The following PGM3 variants were observed in gnomAD, a reference collection of about 807,000 sequenced individuals.
The protein encoded by PGM3 is phosphoglucomutase 3, also known as phosphoacetylglucosamine mutase.
PGM3 carries 40 observed loss-of-function variants against 66.2 expected under a neutral mutation model. The ratio of observed to expected loss-of-function variants is 0.60; its 90% CI spans 0.47 to 0.79. PGM3 has a LOEUF of 0.79. Ranked by LOEUF, PGM3 falls within the 30% of genes least tolerant of loss-of-function variation. The probability of loss-of-function intolerance (pLI) is 0.00; values close to 1 mark genes in which losing one functional copy is unlikely to be tolerated. For synonymous variants in PGM3, 191 were observed against 224.2 expected, an observed-to-expected ratio of 0.85 and a Z score of 1.32; for missense variants, 537 against 643.4, an observed-to-expected ratio of 0.83 and a Z score of 1.79.
chr6:83,186,181 G>A (rs1306679846), intron 4 of PGM3, among the ~76,000 whole-genome samples: 3 of 152,100 alleles, frequency 2.0e-5, no homozygotes, highest in Non-Finnish European at 2.9e-5. Flanking sequence ...GAGGTCCCTG[G>A]TTAATAATCC....
intron 4 of PGM3, among the ~76,000 whole-genome samples, chr6:83,186,075 G>A (rs1005534722): frequency 6.6e-6 from 1 of 152,042 alleles, no homozygotes; most frequent in Admixed American, 6.6e-5. Flanking sequence ...GGAGAGGTAC[G>A]CATGCACTCC....
chr6:83,169,830 A>C (rs1438692124), intron 12 of PGM3: 2 of 457,370 alleles, frequency 4.4e-6, no homozygotes, highest in Admixed American at 2.3e-5. Context: ...TCCAGACCAC[A>C]AGTCTTGACC....
intron 8 of PGM3, among the ~76,000 whole-genome samples, chr6:83,178,364 TAAAGA>T (rs1180973239): frequency 6.6e-6 from 1 of 152,194 alleles, no homozygotes; most frequent in Non-Finnish European, 1.5e-5. Context: ...TCTAGGCCCT[TAAAGA>T]AAAGTATTCC....
rs1025016313 is a variant in PGM3 at position 83,167,293 on chromosome 6, CAGA to C, written c.*1938_*1940del. 2.6e-5 allele frequency: 26 copies of C among 985,174 alleles called. No homozygotes were observed. Among genetic ancestry groups the C allele is most frequent in the South Asian group, 4.7e-5 (1 of 21,274 alleles). 61.0% of individuals were successfully genotyped at this position (985,174 alleles called of 1,614,324 possible). On this transcript the variant is annotated 3_prime_UTR_variant, in exon 13 of 13. Coordinates refer to ENST00000513973, the MANE Select transcript of PGM3 (RefSeq NM_015599.3). Reference sequence around the variant, plus strand: ...CCTCCCTATGTTGTTTAGCACAACCCAGAAGGAGACAGCAGTGTCTCCTGAGGG... The same window carrying C: ...CCTCCCTATGTTGTTTAGCACAACCCAGGAGACAGCAGTGTCTCCTGAGGG...
downstream of PGM3, among the ~76,000 whole-genome samples, chr6:83,163,812 T>G (rs1252939013): frequency 6.6e-6 from 1 of 152,136 alleles, no homozygotes; most frequent in East Asian, 1.9e-4. Context: ...AAGCATCTTC[T>G]TAGAGAAATT....
At chr6:83,192,116 A>T (rs1789151810) in intron 1 of PGM3, among the ~76,000 whole-genome samples, 1 of 152,010 alleles carries the variant, frequency 6.6e-6, no homozygotes, top group Admixed American at 6.5e-5. Flanking sequence ...AAATACAAAA[A>T]GTAGCCTGGC....
chr6:83,164,593 G>A, downstream of PGM3: 1 of 1,441,128 alleles, frequency 6.9e-7, no homozygotes, highest in Non-Finnish European at 9.5e-7. Context: ...CCTTAAACAA[G>A]GTCTTCATGG....
Position 83,179,950 on chromosome 6 carries a change from T to C in PGM3, c.805A>G (p.Asn269Asp). The change falls in exon 7 of 13, where the codon AAT becomes GAT. Residue 269 changes from asparagine to aspartate, a missense_variant. By Grantham distance (23) the Asn-to-Asp change is conservative. Transcript: ENST00000513973. ...KPPQGMEIKS[N>D]ERCCSFDGDA... ...CCATCAAAAGAACAGCATCTTTCAT[T>C]GGACTTAATTTCCATTCCTAGCACA... is the stretch of plus-strand genomic sequence containing the variant. 6.2e-7 allele frequency: 1 copy of C among 1,610,524 alleles called. No individual in the cohort carries two copies. The highest frequency in any genetic ancestry group is 1.7e-5 in the Admixed American group (1 of 59,646).
At chr6:83,159,921 C>T, downstream of PGM3, 2 of 1,614,100 alleles carry the variant, frequency 1.2e-6, no homozygotes, top group Non-Finnish European at 1.7e-6. Context: ...TTGGATTTGG[C>T]TCTCGCATTG....
rs923386994 is a variant in PGM3, at chr6:83,193,246, A to C, written c.-70T>G. On this transcript the variant is annotated 5_prime_UTR_variant, in exon 1 of 13. Transcript: ENST00000513973. The stretch of plus-strand genomic sequence containing the variant: ...GCCCAAGCAACAACGTCTGCACCCA[A>C]ACCCAGTCCTCAGAACCGCAGACGT... The C allele has an allele frequency of 1.3e-5, 2 of 152,238 alleles. No homozygotes were observed. Among genetic ancestry groups the C allele is most frequent in the Admixed American group, 1.3e-4 (2 of 15,280 alleles). The allele number at this position is 152,238 out of a possible 1,614,324, so 9.4% of individuals were successfully genotyped here. A position where few individuals can be genotyped will look rare whatever the true frequency, so the allele number is the denominator to read the frequency against.
chr6:83,160,882 C>G (rs996734282), downstream of PGM3, among the ~76,000 whole-genome samples: 1 of 152,038 alleles, frequency 6.6e-6, no homozygotes, highest in African/African-American at 2.4e-5. Flanking sequence ...TGCTATTTTA[C>G]AAGCTTACTT....
chr6:83,158,466 T>C, downstream of PGM3: 1 of 904,374 alleles, frequency 1.1e-6, no homozygotes, highest in African/African-American at 1.7e-5. Context: ...GAAAATGTAT[T>C]CTAAAATTTG....
At chr6:83,185,503 C>A (rs909540994) in intron 4 of PGM3, among the ~76,000 whole-genome samples, 3 of 152,190 alleles carry the variant, frequency 2.0e-5, no homozygotes, top group Admixed American at 6.5e-5. Flanking sequence ...GTGGCTCATG[C>A]CTGTAATCCC....
chr6:83,153,431 C>T, the PGM3 span: 1 of 864,148 alleles, frequency 1.2e-6, no homozygotes, highest in Non-Finnish European at 1.7e-6. Flanking sequence ...TCTAGGTTTT[C>T]TAACAAACTG....
At chr6:83,150,901 A>G in the PGM3 span, among the ~76,000 whole-genome samples, 2 of 152,196 alleles carry the variant, frequency 1.3e-5, no homozygotes, top group African/African-American at 4.8e-5. Context: ...ACATACCACT[A>G]TATCATTACA....
intron 10 of PGM3, among the ~76,000 whole-genome samples, chr6:83,173,572 T>C (rs1787481431): frequency 6.6e-6 from 1 of 152,174 alleles, no homozygotes; most frequent in South Asian, 2.1e-4. Context: ...TCTCCCTGTG[T>C]TACTGTAAGG....
At chr6:83,192,180 C>A (rs1172200847) in intron 1 of PGM3, among the ~76,000 whole-genome samples, 1 of 151,650 alleles carries the variant, frequency 6.6e-6, no homozygotes, top group Non-Finnish European at 1.5e-5. Context: ...GCAGGAGAAT[C>A]GCTTGAACCC....
chr6:83,174,506 A>C lies in PGM3; in HGVS notation c.1129-19T>G. The C allele has an allele frequency of 1.5e-6, 2 of 1,358,146 alleles. No individual in the cohort carries two copies. The highest frequency in any genetic ancestry group is 2.1e-6 in the Non-Finnish European group (2 of 972,800). 84.1% of individuals were successfully genotyped at this position (1,358,146 alleles called of 1,614,324 possible). A position where few individuals can be genotyped will look rare whatever the true frequency, so the allele number is the denominator to read the frequency against. On this transcript the variant is annotated intron_variant, in intron 9 of 12. Coordinates refer to ENST00000513973, the MANE Select transcript of PGM3 (RefSeq NM_015599.3). ...ACAGTGCCTGCAGCAAAAGAATATA[A>C]AATCAGTCTCAAAACACTATCCAAA... is the stretch of plus-strand genomic sequence containing the variant.
In PGM3 at chr6:83,169,041, C is replaced by CT; in HGVS notation, c.*192dup. 1 of 1,371,710 alleles carries CT rather than the reference C, an allele frequency of 7.3e-7. No individual in the cohort carries two copies. The highest frequency in any genetic ancestry group is 9.4e-7 in the Non-Finnish European group (1 of 1,063,474). 85.0% of individuals were successfully genotyped at this position (1,371,710 alleles called of 1,614,324 possible). ...TGAGACTGAAATTAGAGGTAAATTTCTTTAACAAGTGTAAGGCTTACCTAT... is the reference window on the plus strand; with the variant it reads ...TGAGACTGAAATTAGAGGTAAATTTCTTTTAACAAGTGTAAGGCTTACCTAT... On this transcript the variant is annotated 3_prime_UTR_variant, in exon 13 of 13. Transcript: ENST00000513973.
Sources: gnomAD v4.1 joint callset for allele counts (sites outside exome capture counted in the v4.1 genomes callset) on GRCh38, gnomAD v4.1.1 for gene constraint, MANE v1.5 for transcripts, NCBI Gene and HGNC (gene_info 2026-07-23, HGNC 2026-07-21) for gene names.